The following WIPF3 variants were observed in gnomAD, a reference collection of about 807,000 sequenced individuals.
WIPF3 encodes WAS/WASL interacting protein family member 3, also known as WAS/WASL-interacting protein family member 3.
Under a neutral mutation model 38.9 loss-of-function variants are expected in WIPF3, and 33 were observed. The ratio of observed to expected loss-of-function variants is 0.85; its 90% CI spans 0.64 to 1.14. WIPF3 has a LOEUF of 1.14. Ranked by LOEUF, WIPF3 falls within the 50% of genes most tolerant of loss-of-function variation. WIPF3 has a pLI of 0.00. For synonymous variants in WIPF3, 324 were observed against 269.3 expected (o/e 1.20, Z -1.99); for missense variants, 711 against 652.5 (o/e 1.09, Z -0.98).
chr7:29,875,094 C>T (rs1290643891), intron 2 of WIPF3, among the ~76,000 whole-genome samples: 1 of 152,172 alleles, frequency 6.6e-6, no homozygotes, highest in Non-Finnish European at 1.5e-5. Context: ...CACCCAGGCA[C>T]AGAAGACAGT....
Position 29,884,498 on chromosome 7 carries a change from C to T in WIPF3, c.1004C>T (p.Ala335Val), listed in dbSNP as rs1785824583. The T allele has an allele frequency of 2.5e-6, 4 of 1,577,768 alleles. No homozygotes were observed. The highest frequency in any genetic ancestry group is 1.4e-5 in the African/African-American group (1 of 73,986). ...PLPPKSPSFQ[A>V]PPQKAGAQAL... The stretch of plus-strand genomic sequence containing the variant: ...CCCCCTAAATCCCCCAGCTTCCAGG[C>T]CCCACCGCAGAAGGCCGGTGCGCAG... The change falls in exon 5 of 9, where the codon GCC (alanine) becomes GTC (valine). Residue 335 changes from alanine to valine, a missense_variant. Coordinates refer to ENST00000242140, the MANE Select transcript of WIPF3 (RefSeq NM_001080529.3).
chr7:29,884,264 T>TAC lies in WIPF3; in HGVS notation c.770_771insAC (p.Pro259ArgfsTer116). The TAC allele has an allele frequency of 5.7e-5, 75 of 1,315,136 alleles. No individual in the cohort carries two copies. Among genetic ancestry groups the TAC allele is most frequent in the Non-Finnish European group, 7.3e-5 (72 of 992,572 alleles). The allele number at this position is 1,315,136 out of a possible 1,614,324, so 81.5% of individuals were successfully genotyped here. A position where few individuals can be genotyped will look rare whatever the true frequency, so the allele number is the denominator to read the frequency against. On this transcript the variant is annotated frameshift_variant, in exon 5 of 9. Coordinates refer to ENST00000242140, the MANE Select transcript of WIPF3 (RefSeq NM_001080529.3). LOFTEE classifies it high-confidence loss of function. ...AAGCCTCAGCTGGCTCCCTTGCACC[T>TAC]CCCGCCCATCCCGCCCCCGCTCCCT...
At chr7:29,851,539 C>G (rs993970107) in intron 2 of WIPF3, among the ~76,000 whole-genome samples, 4 of 152,170 alleles carry the variant, frequency 2.6e-5, no homozygotes, top group African/African-American at 9.7e-5. Flanking sequence ...TTTTGTGTTC[C>G]AGGCACACAA....
intron 7 of WIPF3, among the ~76,000 whole-genome samples, chr7:29,902,098 T>C (rs1786294857): frequency 6.6e-6 from 1 of 151,762 alleles, no homozygotes; most frequent in South Asian, 2.1e-4. Context: ...GCCCCCACAA[T>C]AGAGAGTTAT....
intron 1 of WIPF3, among the ~76,000 whole-genome samples, chr7:29,827,466 G>A (rs174929): frequency 0.22 from 33,007 of 151,964 alleles, 3,850 homozygotes; most frequent in East Asian, 0.4. Flanking sequence ...CTACATTTAC[G>A]TTGAGAACCC....
At chr7:29,866,542 A>C (rs1051409997) in intron 2 of WIPF3, among the ~76,000 whole-genome samples, 5 of 152,322 alleles carry the variant, frequency 3.3e-5, no homozygotes. Context: ...TACTCTGTGC[A>C]CTTTCCATTT....
At chr7:29,847,022 A>G (rs892841602) in intron 2 of WIPF3, among the ~76,000 whole-genome samples, 2 of 152,212 alleles carry the variant, frequency 1.3e-5, no homozygotes, top group Admixed American at 6.5e-5. Context: ...TGGAAACTTC[A>G]TAGAGGGATT....
chr7:29,888,106 C>T lies in WIPF3; in HGVS notation c.1138C>T (p.Pro380Ser). 6.2e-7 allele frequency: 1 copy of T among 1,613,920 alleles called. No homozygotes were observed. ...AAAGCTAAATCCACCTCCAGCACCC[C>T]CTGCGAGATCACCTACCACAGAGCT... ...GGKLNPPPAP[P>S]ARSPTTELSS... The change falls in exon 6 of 9, where the codon CCT becomes TCT. Residue 380 changes from proline (P) to serine (S), a missense_variant. Physicochemically the swap from Pro to Ser is moderately conservative, Grantham distance 74. Coordinates refer to ENST00000242140, the MANE Select transcript of WIPF3 (RefSeq NM_001080529.3).
intron 8 of WIPF3, among the ~76,000 whole-genome samples, chr7:29,908,085 T>A (rs974020258): frequency 1.1e-4 from 17 of 152,206 alleles, no homozygotes; most frequent in Admixed American, 3.3e-4. Flanking sequence ...TTTTTAAAAA[T>A]CTGATCCAAC....
intron 4 of WIPF3, among the ~76,000 whole-genome samples, chr7:29,883,370 A>G (rs965873180): frequency 1.3e-5 from 2 of 152,240 alleles, no homozygotes; most frequent in African/African-American, 2.4e-5. Context: ...CAACACAGAA[A>G]CAAAGAAAGT....
At chr7:29,905,882 G>C (rs1423494534) in intron 8 of WIPF3, 1 of 151,848 alleles carries the variant, frequency 6.6e-6, no homozygotes, top group African/African-American at 2.4e-5. Context: ...ACATTCAAAG[G>C]CTACTACATA....
chr7:29,809,701 A>T (rs915542221), intron 1 of WIPF3, among the ~76,000 whole-genome samples: 2 of 152,166 alleles, frequency 1.3e-5, no homozygotes, highest in African/African-American at 4.8e-5. Context: ...CTTTCCTTAG[A>T]CCTGTTCAAG....
chr7:29,908,185 A>G (rs1283886247), intron 8 of WIPF3, among the ~76,000 whole-genome samples: 2 of 152,362 alleles, frequency 1.3e-5, no homozygotes, highest in East Asian at 1.9e-4. Context: ...ACTGTGATCA[A>G]AAGAGAGCAG....
intron 7 of WIPF3, among the ~76,000 whole-genome samples, chr7:29,899,345 C>G (rs923499706): frequency 3.9e-5 from 6 of 152,210 alleles, no homozygotes; most frequent in African/African-American, 1.4e-4. Flanking sequence ...TCTTCCTGCC[C>G]TATCACTTTT....
intron 1 of WIPF3, among the ~76,000 whole-genome samples, chr7:29,824,207 C>T (rs770232772): frequency 6.6e-6 from 1 of 152,126 alleles, no homozygotes; most frequent in African/African-American, 2.4e-5. Context: ...ATTACGGATG[C>T]TGAGGCATGA....
Position 29,898,030 on chromosome 7 carries a change from C to G in WIPF3, c.1352-6256C>G, listed in dbSNP as rs887882144. 3.3e-5 allele frequency among the ~76,000 whole-genome samples: 5 copies of G among 152,286 alleles called. No homozygotes were observed. In the South Asian group the frequency reaches 8.3e-4, roughly 25 times the overall value. On this transcript the variant is annotated intron_variant, in intron 7 of 8. Transcript: ENST00000242140. ...CAACACTGCCTCCACTTCCCCACCC[C>G]CTGTTCTCTCTGGAGCCAAGTCCTC...
chr7:29,877,099 A>G (rs1785615205), intron 3 of WIPF3, among the ~76,000 whole-genome samples: 1 of 152,230 alleles, frequency 6.6e-6, no homozygotes, highest in South Asian at 2.1e-4. Context: ...CCTGAAGAAA[A>G]TGTGCCTCCA....
chr7:29,832,491 A>G (rs1435466775), intron 1 of WIPF3, among the ~76,000 whole-genome samples: 4 of 152,190 alleles, frequency 2.6e-5, no homozygotes, highest in Non-Finnish European at 5.9e-5. Context: ...TCTCTGCTCA[A>G]TTTTACTATG....
intron 2 of WIPF3, among the ~76,000 whole-genome samples, chr7:29,848,379 A>G (rs765022795): frequency 1.5e-4 from 23 of 152,232 alleles, no homozygotes; most frequent in Non-Finnish European, 2.9e-4. Context: ...CCAAGAGGGA[A>G]GGGAAGGACG....
Sources: allele counts gnomAD v4.1 joint callset (sites outside exome capture counted in the v4.1 genomes callset), GRCh38; gene constraint gnomAD v4.1.1; transcripts MANE v1.5; gene names NCBI Gene and HGNC (gene_info 2026-07-23, HGNC 2026-07-21).